ERC2: variants seen among roughly 807,000 people sequenced by gnomAD.
ERC2 encodes the protein ELKS/RAB6-interacting/CAST family member 2, also known as ERC protein 2.
In ERC2, 42 loss-of-function variants were observed where a neutral mutation model predicts 114.8. The observed-to-expected ratio is 0.37, with a 90% CI of 0.29 to 0.47. ERC2 has a LOEUF of 0.47. Among genes scored for constraint, ERC2 ranks in the 20% least tolerant of loss-of-function variants. ERC2 has a pLI of 0.99. For missense variants in ERC2, 939 were observed against 1,150.7 expected (o/e 0.82, Z 2.66); for synonymous variants, 454 against 425.5 (o/e 1.07, Z -0.82).
chr3:55,769,993 C>A (rs1209601796), intron 14 of ERC2, among the ~76,000 whole-genome samples: 3 of 152,230 alleles, frequency 2.0e-5, no homozygotes, highest in Non-Finnish European at 4.4e-5. Flanking sequence ...GAAAAGTACA[C>A]TTCCTTGCCC....
intron 17 of ERC2, among the ~76,000 whole-genome samples, chr3:55,682,063 A>T (rs138694264): frequency 1.6e-4 from 24 of 152,330 alleles, no homozygotes; most frequent in Non-Finnish European, 3.1e-4. Flanking sequence ...TCTTCCATGC[A>T]TGTTTGAGGC....
At chr3:55,940,585 C>G (rs1444121034) in intron 13 of ERC2, among the ~76,000 whole-genome samples, 1 of 152,112 alleles carries the variant, frequency 6.6e-6, no homozygotes, top group Non-Finnish European at 1.5e-5. Context: ...AAATCAAATG[C>G]TGGGGGGAGG....
In ERC2 at chr3:55,820,927, A is replaced by T. The variant is rs555823913; in HGVS notation, c.2564+67462T>A. Among the ~76,000 whole-genome samples the T allele has an allele frequency of 2.1e-3, 318 of 152,344 alleles. 2 individuals carry two copies. Among genetic ancestry groups the T allele is most frequent in the African/African-American group, 7.0e-3 (292 of 41,578 alleles). Reference sequence around the variant, plus strand: ...AGACAGCCTTCTTAGCCCCAGTGTCAGGCTAATGTTTTATAACTTGAAGGT... The same window carrying T: ...AGACAGCCTTCTTAGCCCCAGTGTCTGGCTAATGTTTTATAACTTGAAGGT... On this transcript the variant is annotated intron_variant, in intron 14 of 17. Transcript: ENST00000288221.
At chr3:56,248,387 C>T (rs781158291) in intron 3 of ERC2, among the ~76,000 whole-genome samples, 47 of 152,270 alleles carry the variant, frequency 3.1e-4, no homozygotes, top group Non-Finnish European at 6.5e-4. Context: ...AGTCACTGTG[C>T]CTGGCCCTAC....
At chr3:56,312,266 G>C (rs1019411432) in intron 2 of ERC2, among the ~76,000 whole-genome samples, 1 of 152,100 alleles carries the variant, frequency 6.6e-6, no homozygotes, top group African/African-American at 2.4e-5. Context: ...ATAATTTAAA[G>C]AACAATCCAA....
chr3:55,976,569 C>T (rs977231065), intron 12 of ERC2, among the ~76,000 whole-genome samples: 5 of 152,160 alleles, frequency 3.3e-5, no homozygotes, highest in Admixed American at 2.6e-4. Context: ...CAGGTCCTTT[C>T]TAGATCAAAG....
chr3:56,055,775 C>G (rs1417452027), intron 7 of ERC2, among the ~76,000 whole-genome samples: 4 of 152,208 alleles, frequency 2.6e-5, no homozygotes, highest in African/African-American at 7.2e-5. Context: ...AACTTCTTGG[C>G]CAATCCCACT....
At position 55,800,743 on chromosome 3, in the gene ERC2, C is replaced by T. The variant is rs77996171; in HGVS notation, c.2565-65825G>A. On this transcript the variant is annotated intron_variant, in intron 14 of 17. Coordinates refer to ENST00000288221, the MANE Select transcript of ERC2 (RefSeq NM_015576.3). ...CACTTTTCTCTCCTTGCTTTCTTCC[C>T]CACAGGGTGACATATACAAATGGCA... is the stretch of plus-strand genomic sequence containing the variant. Among the ~76,000 whole-genome samples, 876 of 152,160 alleles carry T rather than the reference C, an allele frequency of 5.8e-3. 12 individuals carry two copies. Among genetic ancestry groups the T allele is most frequent in the African/African-American group, 0.02 (825 of 41,528 alleles).
intron 2 of ERC2, among the ~76,000 whole-genome samples, chr3:56,317,774 A>T (rs1463653627): frequency 6.6e-6 from 1 of 152,218 alleles, no homozygotes; most frequent in African/African-American, 2.4e-5. Context: ...ATAGCAAGAG[A>T]CAGTAAGTGC....
intron 13 of ERC2, among the ~76,000 whole-genome samples, chr3:55,915,769 T>C (rs991797176): frequency 1.3e-5 from 2 of 152,124 alleles, no homozygotes; most frequent in Non-Finnish European, 2.9e-5. Flanking sequence ...CTGACTTAAT[T>C]TGGGGAGGTG....
intron 4 of ERC2, among the ~76,000 whole-genome samples, chr3:56,162,884 T>C (rs1575639675): frequency 6.6e-6 from 1 of 152,118 alleles, no homozygotes; most frequent in Admixed American, 6.6e-5. Flanking sequence ...TGCTCTGTTT[T>C]TTTTATTTCT....
intron 12 of ERC2, 36 bp downstream of exon 12, chr3:55,985,941 G>T: frequency 6.5e-7 from 1 of 1,533,392 alleles, no homozygotes; most frequent in Non-Finnish European, 8.7e-7. Flanking sequence ...AGCTTAGGAG[G>T]GAAAGGCAGT....
intron 3 of ERC2, chr3:56,185,045 T>A (rs1575730209): frequency 6.6e-6 from 1 of 152,342 alleles, no homozygotes; most frequent in East Asian, 1.9e-4. Context: ...GTGACAGCTT[T>A]CTAGTCCAAA....
At chr3:55,872,620 G>T (rs1293398455) in intron 14 of ERC2, among the ~76,000 whole-genome samples, 1 of 152,146 alleles carries the variant, frequency 6.6e-6, no homozygotes, top group Non-Finnish European at 1.5e-5. Context: ...GGAATCAGTT[G>T]CATAGAACTG....
At chr3:55,990,355 G>A (rs2070966806) in intron 11 of ERC2, among the ~76,000 whole-genome samples, 1 of 152,128 alleles carries the variant, frequency 6.6e-6, no homozygotes, top group African/African-American at 2.4e-5. Context: ...GAATTTGAAT[G>A]TACCAAATAT....
chr3:55,982,929 T>G (rs1329233621), intron 12 of ERC2, among the ~76,000 whole-genome samples: 1 of 152,246 alleles, frequency 6.6e-6, no homozygotes, highest in African/African-American at 2.4e-5. Context: ...TTTATTTTGG[T>G]ACAAGTGTTT....
At chr3:55,598,834 T>C (rs961585255) in intron 17 of ERC2, among the ~76,000 whole-genome samples, 4 of 152,234 alleles carry the variant, frequency 2.6e-5, no homozygotes, top group African/African-American at 9.6e-5. Flanking sequence ...GCAGATTGTC[T>C]GGGGAACATT....
chr3:56,119,793 C>T (rs781036037), intron 6 of ERC2, among the ~76,000 whole-genome samples: 14 of 152,244 alleles, frequency 9.2e-5, no homozygotes, highest in Non-Finnish European at 1.6e-4. Context: ...TAGTTCACAG[C>T]GCTGCAATGA....
At chr3:55,749,979 G>T (rs776674929) in intron 14 of ERC2, among the ~76,000 whole-genome samples, 2 of 152,198 alleles carry the variant, frequency 1.3e-5, no homozygotes, top group Non-Finnish European at 2.9e-5. Context: ...ATAATGAAAA[G>T]ATATCTTTAA....
Sources: allele counts gnomAD v4.1 joint callset (sites outside exome capture counted in the v4.1 genomes callset), GRCh38; gene constraint gnomAD v4.1.1; transcripts MANE v1.5; gene names NCBI Gene and HGNC (gene_info 2026-07-23, HGNC 2026-07-21).